Variants in RBPMS observed in about 807,000 individuals in gnomAD.
The protein encoded by RBPMS is RNA-binding protein with multiple splicing.
Under a neutral mutation model 26.8 loss-of-function variants are expected in RBPMS, and 7 were observed. That is an observed-to-expected ratio of 0.26 (90% CI 0.15 to 0.49). RBPMS has a LOEUF of 0.49. Ranked by LOEUF, RBPMS falls within the 20% of genes least tolerant of loss-of-function variation. The pLI, the probability that RBPMS is intolerant of heterozygous loss-of-function variation, is 0.98. For synonymous variants in RBPMS, 96 were observed against 93.3 expected (o/e 1.03, Z -0.17); for missense variants, 186 against 250.0 (o/e 0.74, Z 1.73).
rs1825713419 is a variant in RBPMS at position 30,544,636 on chromosome 8, C to G, written c.528+12C>G. The G allele has an allele frequency of 6.8e-6, 11 of 1,613,666 alleles. No homozygotes were observed. The highest frequency in any genetic ancestry group is 8.5e-6 in the Non-Finnish European group (10 of 1,180,006). ...CACTGCATGCCCAGGTAATTGATAC[C>G]CATCGGCCAGGACTTCACTCACTTC... On this transcript the variant is annotated intron_variant, in intron 6 of 8. Coordinates refer to ENST00000397323, the MANE Select transcript of RBPMS (RefSeq NM_001008710.3).
intron 5 of RBPMS, among the ~76,000 whole-genome samples, chr8:30,506,676 G>A (rs1821101508): frequency 6.6e-6 from 1 of 152,204 alleles, no homozygotes; most frequent in African/African-American, 2.4e-5. Context: ...TGGAATTGGA[G>A]AATTTGAGGA....
chr8:30,393,395 G>GTT (rs35044314), intron 1 of RBPMS, among the ~76,000 whole-genome samples: 1 of 151,824 alleles, frequency 6.6e-6, no homozygotes, highest in East Asian at 1.9e-4. Context: ...AGAGGCGTGA[G>GTT]TTTTTTTACA....
At position 30,569,756 on chromosome 8, in the gene RBPMS, G is replaced by A. The variant is rs150192962; in HGVS notation, c.*112-881G>A. Among the ~76,000 whole-genome samples, 574 of 152,286 alleles carry A rather than the reference G, an allele frequency of 3.8e-3. 4 individuals carry two copies. Among genetic ancestry groups the A allele is most frequent in the Non-Finnish European group, 5.1e-3 (348 of 68,016 alleles). On this transcript the variant is annotated intron_variant, in intron 8 of 8. Coordinates refer to ENST00000397323, the MANE Select transcript of RBPMS (RefSeq NM_001008710.3). ...AGCCAAGAGGACAGGAAATGAGGTC[G>A]GTGTAAAGGGCAGGGACAGGCCAGG...
chr8:30,516,554 C>G (rs538093804), intron 5 of RBPMS, among the ~76,000 whole-genome samples: 1 of 152,100 alleles, frequency 6.6e-6, no homozygotes, highest in Non-Finnish European at 1.5e-5. Context: ...AGACTCTACC[C>G]AAGTATCTTT....
intron 6 of RBPMS, among the ~76,000 whole-genome samples, chr8:30,551,350 A>G (rs999907129): frequency 4.6e-5 from 7 of 152,208 alleles, no homozygotes; most frequent in African/African-American, 7.2e-5. Flanking sequence ...TTCAGAAACC[A>G]GAGTCGGTCC....
intron 1 of RBPMS, among the ~76,000 whole-genome samples, chr8:30,433,260 A>G (rs16876961): frequency 9.8e-4 from 149 of 152,346 alleles, no homozygotes; most frequent in African/African-American, 3.4e-3. Context: ...AACTTTGAAA[A>G]AACTTACTCT....
intron 1 of RBPMS, among the ~76,000 whole-genome samples, chr8:30,457,011 C>A (rs1815298405): frequency 6.6e-6 from 1 of 152,196 alleles, no homozygotes; most frequent in Non-Finnish European, 1.5e-5. Context: ...TTTGGTCGTA[C>A]TAAAACACAG....
chr8:30,562,818 G>A lies in RBPMS; in HGVS notation c.*8-3439G>A, dbSNP rs73574131. Among the ~76,000 whole-genome samples, 544 of 152,184 alleles carry A rather than the reference G, an allele frequency of 3.6e-3. 5 individuals carry two copies. The highest frequency in any genetic ancestry group is 0.012 in the African/African-American group (503 of 41,520). On this transcript the variant is annotated intron_variant, in intron 7 of 8. Transcript: ENST00000397323. ...ACAGAAGACGAGCAGGAGTGATGCCGTCCTTCCAAATCCTCAAAGGCCAGC... is the reference window on the plus strand; with the variant it reads ...ACAGAAGACGAGCAGGAGTGATGCCATCCTTCCAAATCCTCAAAGGCCAGC...
chr8:30,410,193 T>TACA (rs1809187730), intron 1 of RBPMS, among the ~76,000 whole-genome samples: 1 of 104,562 alleles, frequency 9.6e-6, no homozygotes, highest in Non-Finnish European at 2.3e-5. Flanking sequence ...CACACACACT[T>TACA]AACTGCTACT....
chr8:30,519,266 A>T (rs1030912950), intron 5 of RBPMS, among the ~76,000 whole-genome samples: 1 of 152,160 alleles, frequency 6.6e-6, no homozygotes, highest in African/African-American at 2.4e-5. Flanking sequence ...AGTATGACCA[A>T]TCCCAAAAAC....
intron 5 of RBPMS, among the ~76,000 whole-genome samples, chr8:30,527,672 A>G (rs1433732439): frequency 2.0e-5 from 3 of 152,126 alleles, no homozygotes; most frequent in African/African-American, 7.2e-5. Context: ...GCTGGGCCTC[A>G]GCACAGTGTG....
At chr8:30,549,814 CT>C (rs1202813432) in intron 6 of RBPMS, among the ~76,000 whole-genome samples, 132 of 134,098 alleles carry the variant, frequency 9.8e-4, no homozygotes, top group African/African-American at 2.5e-3. Flanking sequence ...TCCTCTCTCT[CT>C]CTCTCTCTCT....
chr8:30,452,533 C>G (rs960169693), intron 1 of RBPMS, among the ~76,000 whole-genome samples: 1 of 152,160 alleles, frequency 6.6e-6, no homozygotes, highest in Admixed American at 6.5e-5. Flanking sequence ...ACCTCCACCC[C>G]CTACAAGAAT....
rs1288808763 is a variant in RBPMS, at chr8:30,385,059, G to A, written c.-34G>A. The A allele has an allele frequency of 2.0e-6, 3 of 1,490,226 alleles. No homozygotes were observed. In the African/African-American group the frequency reaches 4.4e-5, roughly 22 times the overall value. 92.3% of individuals were successfully genotyped at this position (1,490,226 alleles called of 1,614,324 possible). On this transcript the variant is annotated 5_prime_UTR_variant, in exon 1 of 9. Transcript: ENST00000397323. ...CGCCCTCGCCCAGCCCCGCGCCCCA[G>A]CCCTGCCCGGCCCGGCGAGGAAGGA...
At chr8:30,463,244 G>T (rs1241730090) in intron 1 of RBPMS, among the ~76,000 whole-genome samples, 1 of 152,190 alleles carries the variant, frequency 6.6e-6, no homozygotes, top group African/African-American at 2.4e-5. Flanking sequence ...CAAAAACTAT[G>T]TAGCAAATTA....
intron 1 of RBPMS, among the ~76,000 whole-genome samples, chr8:30,425,885 ATTAAC>A (rs1811301207): frequency 6.6e-6 from 1 of 152,126 alleles, no homozygotes; most frequent in Admixed American, 6.5e-5. Context: ...AGAGAGGGAA[ATTAAC>A]TTGCCTGAGG....
At position 30,441,613 on chromosome 8, in the gene RBPMS, AT is replaced by A. The variant is rs923073250; in HGVS notation, c.67-33156del. Among the ~76,000 whole-genome samples, 23 of 149,864 alleles carry A rather than the reference AT, an allele frequency of 1.5e-4. No homozygotes were observed. In the East Asian group the frequency reaches 2.2e-3, roughly 14 times the overall value. ...TCTCTTCCGCTCTCTCCCGTGATTG[AT>A]TTTTTTTTTCCCTCATACTGCCTAA... On this transcript the variant is annotated intron_variant, in intron 1 of 8. Transcript: ENST00000397323.
intron 1 of RBPMS, among the ~76,000 whole-genome samples, chr8:30,411,681 A>AAAAAAAAAAAAAAAG (rs1554507355): frequency 2.3e-4 from 30 of 127,918 alleles, no homozygotes; most frequent in Non-Finnish European, 2.7e-4. Flanking sequence ...AAAAAAAAAA[A>AAAAAAAAAAAAAAAG]AAAGAAAAAG....
intron 4 of RBPMS, among the ~76,000 whole-genome samples, chr8:30,483,605 A>G (rs1163985877): frequency 6.6e-6 from 1 of 152,036 alleles, no homozygotes; most frequent in African/African-American, 2.4e-5. Flanking sequence ...TAATTACGGT[A>G]AAATACATTT....
Sources: allele counts gnomAD v4.1 joint callset (sites outside exome capture counted in the v4.1 genomes callset), GRCh38; gene constraint gnomAD v4.1.1; transcripts MANE v1.5; gene names NCBI Gene and HGNC (gene_info 2026-07-23, HGNC 2026-07-21).